The following WWOX variants were observed in gnomAD, a reference collection of about 807,000 sequenced individuals.
WWOX encodes the protein WW domain containing oxidoreductase.
In WWOX, 69 loss-of-function variants were observed where a neutral mutation model predicts 46.2. The ratio of observed to expected loss-of-function variants is 1.49; its 90% CI spans 1.23 to 1.82. The LOEUF (loss-of-function observed/expected upper bound fraction) is 1.82. Ranked by LOEUF, WWOX falls within the 40% of genes most tolerant of loss-of-function variation. The pLI, the probability that WWOX is intolerant of heterozygous loss-of-function variation, is 0.00. For synonymous variants in WWOX, 359 were observed against 202.6 expected (o/e 1.77, Z -6.56); for missense variants, 919 against 542.6 (o/e 1.69, Z -6.89).
intron 8 of WWOX, among the ~76,000 whole-genome samples, chr16:78,931,712 G>T (rs1007271947): frequency 6.6e-6 from 1 of 152,212 alleles, no homozygotes; most frequent in Admixed American, 6.5e-5. Flanking sequence ...TTTTCCAACT[G>T]TTCACAGAGG....
chr16:78,729,627 C>T (rs1597504710), intron 8 of WWOX, among the ~76,000 whole-genome samples: 1 of 152,228 alleles, frequency 6.6e-6, no homozygotes, highest in Admixed American at 6.5e-5. Flanking sequence ...CTGGAGGAAG[C>T]ACAGTCCTGC....
intron 8 of WWOX, among the ~76,000 whole-genome samples, chr16:78,899,942 T>TA (rs1383101222): frequency 6.6e-6 from 1 of 152,158 alleles, no homozygotes; most frequent in Non-Finnish European, 1.5e-5. Context: ...CATGAAGCTG[T>TA]ACCCTTGGTA....
chr16:78,825,714 G>C (rs1241141312), intron 8 of WWOX: 3 of 561,580 alleles, frequency 5.3e-6, no homozygotes, highest in Non-Finnish European at 6.8e-6. Context: ...AGGACAGAGG[G>C]TCAAATCCAT....
chr16:79,075,213 C>G (rs1239051481), intron 8 of WWOX, among the ~76,000 whole-genome samples: 1 of 152,194 alleles, frequency 6.6e-6, no homozygotes, highest in Non-Finnish European at 1.5e-5. Context: ...CCAGGTGGTT[C>G]TGCTCAGCCC....
At chr16:78,828,284 C>A (rs985954646) in intron 8 of WWOX, among the ~76,000 whole-genome samples, 1 of 152,044 alleles carries the variant, frequency 6.6e-6, no homozygotes, top group African/African-American at 2.4e-5. Flanking sequence ...GAAGAGCCTT[C>A]GATGGACCTG....
At chr16:78,363,593 A>G (rs1384179321) in intron 5 of WWOX, among the ~76,000 whole-genome samples, 1 of 152,178 alleles carries the variant, frequency 6.6e-6, no homozygotes, top group African/African-American at 2.4e-5. Context: ...TTAACTCAGA[A>G]TGATTTCATA....
chr16:78,782,130 C>T (rs2050343204), intron 8 of WWOX, among the ~76,000 whole-genome samples: 1 of 152,178 alleles, frequency 6.6e-6, no homozygotes, highest in South Asian at 2.1e-4. Flanking sequence ...ACCACCTTCA[C>T]TGGCTTTAAT....
rs541407766 is a variant in WWOX, at chr16:78,474,725, C to G, written c.1056+41973C>G. The stretch of plus-strand genomic sequence containing the variant: ...AGCCTGCACCCCATATTTTTTACCT[C>G]CCATTCTCCACTTCAACTCTTCCCC... On this transcript the variant is annotated intron_variant, in intron 8 of 8. Transcript: ENST00000566780. Among the ~76,000 whole-genome samples, 19 of 152,252 alleles carry G rather than the reference C, an allele frequency of 1.2e-4. No individual in the cohort carries two copies. The East Asian group carries it at 3.7e-3, about 29-fold the overall frequency.
chr16:78,334,100 C>G (rs995377615), intron 5 of WWOX, among the ~76,000 whole-genome samples: 1 of 152,120 alleles, frequency 6.6e-6, no homozygotes, highest in Non-Finnish European at 1.5e-5. Context: ...ATTTGATTCC[C>G]CCTTTACTCA....
At chr16:79,013,329 G>A (rs940520725) in intron 8 of WWOX, among the ~76,000 whole-genome samples, 3 of 152,208 alleles carry the variant, frequency 2.0e-5, no homozygotes, top group Non-Finnish European at 2.9e-5. Flanking sequence ...GTGCTGGGGA[G>A]TGGTGAGTAG....
intron 8 of WWOX, among the ~76,000 whole-genome samples, chr16:78,587,516 T>C (rs11860796): frequency 0.022 from 3,348 of 152,252 alleles, 97 homozygotes; most frequent in African/African-American, 0.065. Context: ...TTATTGATTA[T>C]CCTGAAAACA....
intron 8 of WWOX, among the ~76,000 whole-genome samples, chr16:78,842,108 T>G (rs1029803279): frequency 6.6e-6 from 1 of 152,132 alleles, no homozygotes; most frequent in Non-Finnish European, 1.5e-5. Context: ...GAACTGAGAT[T>G]AGAGAGATCA....
chr16:78,681,945 T>G (rs1286062102), intron 8 of WWOX, among the ~76,000 whole-genome samples: 3 of 152,322 alleles, frequency 2.0e-5, no homozygotes, highest in Non-Finnish European at 4.4e-5. Flanking sequence ...AGTCTGCTTT[T>G]CTAGCAAGCG....
intron 5 of WWOX, among the ~76,000 whole-genome samples, chr16:78,267,886 C>G (rs753836998): frequency 5.9e-5 from 9 of 152,168 alleles, no homozygotes; most frequent in Non-Finnish European, 1.3e-4. Flanking sequence ...GGTGCAATCT[C>G]AAGTCACTGC....
At chr16:79,173,866 G>C (rs1302482896) in intron 8 of WWOX, among the ~76,000 whole-genome samples, 2 of 152,124 alleles carry the variant, frequency 1.3e-5, no homozygotes, top group African/African-American at 4.8e-5. Flanking sequence ...AAGATGGATG[G>C]GGGAGAGGAC....
intron 5 of WWOX, among the ~76,000 whole-genome samples, chr16:78,295,856 GCC>G (rs2079937100): frequency 6.6e-6 from 1 of 152,260 alleles, no homozygotes; most frequent in Non-Finnish European, 1.5e-5. Flanking sequence ...CTGGAGTGCA[GCC>G]CAAAGATCTG....
chr16:78,556,687 C>T (rs1326335537), intron 8 of WWOX, among the ~76,000 whole-genome samples: 5 of 152,070 alleles, frequency 3.3e-5, no homozygotes, highest in Non-Finnish European at 5.9e-5. Flanking sequence ...ATTTGTTTTC[C>T]CTGAGACCGG....
chr16:79,143,925 G>A (rs757767830), intron 8 of WWOX, among the ~76,000 whole-genome samples: 5 of 152,108 alleles, frequency 3.3e-5, no homozygotes, highest in Admixed American at 6.5e-5. Context: ...TTTCTTTTGA[G>A]ACTGGGTCTT....
chr16:78,780,892 C>G (rs530752786), intron 8 of WWOX, among the ~76,000 whole-genome samples: 5 of 152,274 alleles, frequency 3.3e-5, no homozygotes, highest in South Asian at 4.1e-4. Flanking sequence ...TTTTAAAGAT[C>G]TGTCTGGCTG....
Sources: gnomAD v4.1 joint callset for allele counts (sites outside exome capture counted in the v4.1 genomes callset) on GRCh38, gnomAD v4.1.1 for gene constraint, MANE v1.5 for transcripts, NCBI Gene and HGNC (gene_info 2026-07-23, HGNC 2026-07-21) for gene names.